WNK3: variants seen among roughly 807,000 people sequenced by gnomAD.
WNK3 encodes WNK lysine deficient protein kinase 3, also known as serine/threonine-protein kinase WNK3.
In WNK3, 18 loss-of-function variants were observed where a neutral mutation model predicts 116.7. The observed-to-expected ratio is 0.15, with a 90% confidence interval of 0.11 to 0.23. The LOEUF (loss-of-function observed/expected upper bound fraction) is 0.23, where lower values mean the gene tolerates loss of function less well. Ranked by LOEUF, WNK3 falls within the 10% of genes least tolerant of loss-of-function variation. The pLI is 1.00. For synonymous variants in WNK3, 404 were observed against 469.4 expected, an observed-to-expected ratio of 0.86 and a Z score of 1.80; for missense variants, 993 against 1,323.8, an observed-to-expected ratio of 0.75 and a Z score of 3.88.
intron 2 of WNK3, among the ~76,000 whole-genome samples, chrX:54,331,989 A>AACAGGTCTTAGCAAAATAAAGC (rs1225309204): frequency 8.9e-6 from 1 of 111,772 alleles, no homozygotes; most frequent in Non-Finnish European, 1.9e-5. Context: ...GTTCTTAGCA[A>AACAGGTCTTAGCAAAATAAAGC]CTGGCTTTAT....
intron 22 of WNK3, among the ~76,000 whole-genome samples, chrX:54,206,307 T>A (rs1439237749): frequency 9.0e-6 from 1 of 110,793 alleles, no homozygotes; most frequent in Non-Finnish European, 1.9e-5. Flanking sequence ...GGAGGCTTGA[T>A]TGAGCCCAGG....
intron 15 of WNK3, among the ~76,000 whole-genome samples, chrX:54,250,773 T>C (rs140828610): frequency 4.5e-4 from 50 of 111,080 alleles, no homozygotes; most frequent in African/African-American, 1.5e-3. Flanking sequence ...CTTCTTTACG[T>C]TCCTGTAATT....
At chrX:54,298,909 A>T (rs1269755055) in intron 6 of WNK3, among the ~76,000 whole-genome samples, 1 of 112,336 alleles carries the variant, frequency 8.9e-6, no homozygotes, top group African/African-American at 3.2e-5. Flanking sequence ...GTCTCCATTA[A>T]CAATAATCTA....
intron 21 of WNK3, among the ~76,000 whole-genome samples, chrX:54,232,087 CTGTGTA>C (rs1169809076): frequency 2.0e-5 from 2 of 98,082 alleles, no homozygotes; most frequent in Non-Finnish European, 4.0e-5. Flanking sequence ...GTGTGTGTGT[CTGTGTA>C]TATGTGTGTG....
At chrX:54,322,492 G>A (rs935897203) in intron 2 of WNK3, among the ~76,000 whole-genome samples, 2 of 110,878 alleles carry the variant, frequency 1.8e-5, no homozygotes, top group African/African-American at 3.3e-5. Context: ...CTTGAGTTTC[G>A]GTAGTTCAAT....
chrX:54,251,504 G>A, intron 14 of WNK3, 28 bp downstream of exon 14: 1 of 1,205,013 alleles, frequency 8.3e-7, no homozygotes, highest in Non-Finnish European at 1.1e-6. Flanking sequence ...TATCTGAGAA[G>A]ATCTGTTTGC....
Position 54,251,453 on chromosome X carries a change from G to A in WNK3, c.2524-3C>T. 2.5e-6 allele frequency: 3 copies of A among 1,189,711 alleles called. No individual in the cohort carries two copies. Among genetic ancestry groups the A allele is most frequent in the Non-Finnish European group, 2.3e-6 (2 of 880,064 alleles). On this transcript the variant is annotated splice_polypyrimidine_tract_variant and splice_region_variant and intron_variant, in intron 14 of 23. Transcript: ENST00000354646. ...TGTACTTGTTCAGATGACCCTGTCT[G>A]AATTAAAAATGAATAGATAAATTAA...
chrX:54,258,138 C>T (rs1456490510), intron 11 of WNK3, among the ~76,000 whole-genome samples: 3 of 106,741 alleles, frequency 2.8e-5, no homozygotes, highest in Non-Finnish European at 3.9e-5. Context: ...ATTAGCCAGG[C>T]GTGGTGGTGC....
exon 15 of WNK3, chrX:54,251,446 C>T (rs782060150): frequency 8.4e-7 from 1 of 1,185,964 alleles, no homozygotes; most frequent in South Asian, 1.8e-5. Context: ...TTCAGATGAC[C>T]CTGTCTGAAT....
intron 2 of WNK3, among the ~76,000 whole-genome samples, chrX:54,312,580 G>C (rs1330216036): frequency 9.1e-6 from 1 of 109,745 alleles, no homozygotes; most frequent in Non-Finnish European, 1.9e-5. Context: ...TGGGATTACA[G>C]GTGCCCACCA....
intron 22 of WNK3, among the ~76,000 whole-genome samples, chrX:54,222,216 C>T (rs1226131714): frequency 1.8e-5 from 2 of 110,130 alleles, no homozygotes; most frequent in African/African-American, 6.6e-5. Flanking sequence ...TTAAGAAGCT[C>T]ATTGTGGCTA....
At chrX:54,290,111 A>C (rs781853014) in intron 10 of WNK3, among the ~76,000 whole-genome samples, 2 of 111,048 alleles carry the variant, frequency 1.8e-5, no homozygotes, top group Non-Finnish European at 3.8e-5. Flanking sequence ...CCCCATCTCT[A>C]CTAAAAATAC....
intron 1 of WNK3, among the ~76,000 whole-genome samples, chrX:54,334,052 G>A (rs1180786867): frequency 2.7e-5 from 3 of 110,316 alleles, no homozygotes; most frequent in Non-Finnish European, 5.7e-5. Context: ...CTAGTTCTCA[G>A]CTCCATCTGT....
At chrX:54,343,237 G>A (rs1557176767) in intron 1 of WNK3, among the ~76,000 whole-genome samples, 1 of 110,836 alleles carries the variant, frequency 9.0e-6, no homozygotes, top group African/African-American at 3.3e-5. Context: ...AGCCGGGCGC[G>A]GTGGCTCATG....
chrX:54,303,697 T>C (rs1380176925), intron 5 of WNK3, among the ~76,000 whole-genome samples: 1 of 110,887 alleles, frequency 9.0e-6, no homozygotes, highest in Non-Finnish European at 1.9e-5. Context: ...ATTCAAAAAA[T>C]AGACCTATTA....
At chrX:54,239,019 C>A (rs782688705) in exon 18 of WNK3, 1 of 1,209,738 alleles carries the variant, frequency 8.3e-7, no homozygotes, top group Non-Finnish European at 1.1e-6. Context: ...CTCCTGTCTG[C>A]AGATGAATGG....
intron 22 of WNK3, chrX:54,224,203 T>G (rs933689073): frequency 1.8e-5 from 2 of 110,833 alleles, no homozygotes; most frequent in African/African-American, 6.6e-5. Context: ...AAATACAAAA[T>G]TAGCTGGGTG....
intron 22 of WNK3, among the ~76,000 whole-genome samples, chrX:54,221,582 C>T (rs1557146508): frequency 9.0e-6 from 1 of 111,562 alleles, no homozygotes; most frequent in Non-Finnish European, 1.9e-5. Context: ...ACCTGTAATC[C>T]AGCATTTTGG....
chrX:54,321,946 C>T (rs1360198552), intron 2 of WNK3, among the ~76,000 whole-genome samples: 12 of 103,719 alleles, frequency 1.2e-4, no homozygotes, highest in African/African-American at 3.6e-4. Flanking sequence ...ATCACGCCAT[C>T]GCACTCCAGC....
Sources: gnomAD v4.1 joint callset for allele counts (sites outside exome capture counted in the v4.1 genomes callset) on GRCh38, gnomAD v4.1.1 for gene constraint, MANE v1.5 for transcripts, NCBI Gene and HGNC (gene_info 2026-07-23, HGNC 2026-07-21) for gene names.